The following SGMS2 variants were observed in gnomAD, a reference collection of about 807,000 sequenced individuals.
The protein encoded by SGMS2 is sphingomyelin synthase 2.
In SGMS2, 21 loss-of-function variants were observed where a neutral mutation model predicts 43.8. The ratio of observed to expected loss-of-function variants is 0.48; its 90% CI spans 0.34 to 0.69. SGMS2 has a LOEUF of 0.69. SGMS2 is among the 30% of genes least tolerant of loss of function. The pLI is 0.01. For synonymous variants in SGMS2, 167 were observed against 160.6 expected (o/e 1.04, Z -0.30); for missense variants, 384 against 443.2 (o/e 0.87, Z 1.20).
At chr4:107,830,335 G>T (rs1395047712) in intron 1 of SGMS2, among the ~76,000 whole-genome samples, 1 of 152,126 alleles carries the variant, frequency 6.6e-6, no homozygotes, top group Non-Finnish European at 1.5e-5. Context: ...GAGCTGCGAT[G>T]AACATACATG....
chr4:107,825,952 G>T (rs1017871773), intron 1 of SGMS2, among the ~76,000 whole-genome samples: 1 of 152,090 alleles, frequency 6.6e-6, no homozygotes, highest in Non-Finnish European at 1.5e-5. Flanking sequence ...TTTGACATGT[G>T]TGTTATATTT....
intron 2 of SGMS2, among the ~76,000 whole-genome samples, chr4:107,859,283 A>G (rs1727597735): frequency 6.6e-6 from 1 of 151,842 alleles, no homozygotes; most frequent in Non-Finnish European, 1.5e-5. Flanking sequence ...ACTTTTTATC[A>G]TTACTGTTTA....
intron 1 of SGMS2, among the ~76,000 whole-genome samples, chr4:107,839,147 C>T (rs1726361396): frequency 6.6e-6 from 1 of 152,176 alleles, no homozygotes; most frequent in Non-Finnish European, 1.5e-5. Context: ...CTTTCCCCCA[C>T]CTCTGAGTTC....
intron 2 of SGMS2, among the ~76,000 whole-genome samples, chr4:107,860,612 C>A (rs1448211003): frequency 2.0e-5 from 3 of 151,364 alleles, no homozygotes; most frequent in Non-Finnish European, 2.9e-5. Flanking sequence ...GCAATCTCCA[C>A]CTCCTGGGTT....
chr4:107,908,696 C>T lies in SGMS2; in HGVS notation c.859C>T (p.Leu287=). The stretch of plus-strand genomic sequence containing the variant: ...CATTGCTTATTATATCACAACACGA[C>T]TGTTTTGGTGGTACCATTCAATGGC... ...VIIAYYITTR[L]FWWYHSMANE... The change falls in exon 6 of 7, where the codon CTG becomes TTG. Residue 287 remains leucine (L), a synonymous_variant. Transcript: ENST00000690982. 1 of 1,613,916 alleles carries T rather than the reference C, an allele frequency of 6.2e-7. No individual in the cohort carries two copies. The highest frequency in any genetic ancestry group is 8.5e-7 in the Non-Finnish European group (1 of 1,179,908).
chr4:107,910,277 CAATTT>C (rs1379086048), intron 6 of SGMS2, 68 bp from the exon 7 acceptor site: 6 of 1,300,494 alleles, frequency 4.6e-6, no homozygotes, highest in Admixed American at 1.9e-5. Context: ...CAGTGAATGA[CAATTT>C]AAGAAAATAA....
intron 1 of SGMS2, among the ~76,000 whole-genome samples, chr4:107,857,376 C>T (rs1727481684): frequency 6.6e-6 from 1 of 151,786 alleles, no homozygotes; most frequent in Non-Finnish European, 1.5e-5. Context: ...GGGGTATATA[C>T]CTAAGAGTGA....
chr4:107,841,157 A>C (rs1164455304), intron 1 of SGMS2, among the ~76,000 whole-genome samples: 2 of 152,192 alleles, frequency 1.3e-5, no homozygotes, highest in Admixed American at 6.5e-5. Context: ...AGGAATATTA[A>C]AGTTGAGAAG....
chr4:107,874,205 A>G (rs1728749645), intron 2 of SGMS2: 1 of 152,134 alleles, frequency 6.6e-6, no homozygotes, highest in Admixed American at 6.6e-5. Context: ...ACACTCCACA[A>G]TCATTATTGT....
intron 1 of SGMS2, among the ~76,000 whole-genome samples, chr4:107,833,370 G>T (rs1725998536): frequency 6.6e-6 from 1 of 152,156 alleles, no homozygotes; most frequent in Admixed American, 6.5e-5. Flanking sequence ...GCTCCCCAAA[G>T]ATGTTCACAT....
In SGMS2 at chr4:107,913,082, G is replaced by A. The variant is rs1732227848; in HGVS notation, c.*2529G>A. Reference sequence around the variant, plus strand: ...ATAAAACAAGTATGATCTTGCCTTTGAAATCATAAATGTTTGGGGTACCTG... The same window carrying A: ...ATAAAACAAGTATGATCTTGCCTTTAAAATCATAAATGTTTGGGGTACCTG... On this transcript the variant is annotated 3_prime_UTR_variant, in exon 7 of 7. Transcript: ENST00000690982. The A allele has an allele frequency of 6.6e-6, 1 of 152,032 alleles. No individual in the cohort carries two copies. The highest frequency in any genetic ancestry group is 1.5e-5 in the Non-Finnish European group (1 of 68,012). 9.4% of individuals were successfully genotyped at this position (152,032 alleles called of 1,614,324 possible).
At chr4:107,896,076 G>T in intron 3 of SGMS2, 68 bp downstream of exon 3, 1 of 1,420,310 alleles carries the variant, frequency 7.0e-7, no homozygotes, top group South Asian at 1.4e-5. Flanking sequence ...GGGTTATTGA[G>T]ATTATTTTTC....
chr4:107,842,010 G>T (rs993022637), intron 1 of SGMS2, among the ~76,000 whole-genome samples: 1 of 152,044 alleles, frequency 6.6e-6, no homozygotes, highest in African/African-American at 2.4e-5. Context: ...TAAAGATGTT[G>T]GAAGTAGAGC....
chr4:107,844,912 G>A (rs1726728377), intron 1 of SGMS2, among the ~76,000 whole-genome samples: 1 of 152,282 alleles, frequency 6.6e-6, no homozygotes, highest in South Asian at 2.1e-4. Context: ...AGTTCCTAAT[G>A]GAGACTGGAC....
chr4:107,857,987 T>C (rs1290690560), intron 1 of SGMS2, among the ~76,000 whole-genome samples: 1 of 152,138 alleles, frequency 6.6e-6, no homozygotes, highest in Non-Finnish European at 1.5e-5. Flanking sequence ...CTGCCTGGCT[T>C]ACTCTTCTTT....
chr4:107,848,303 G>C (rs999434730), intron 1 of SGMS2, among the ~76,000 whole-genome samples: 1 of 152,108 alleles, frequency 6.6e-6, no homozygotes, highest in African/African-American at 2.4e-5. Context: ...ACCGTAGTTT[G>C]TTTACTCATT....
At chr4:107,900,585 C>T (rs1731040184) in intron 4 of SGMS2, among the ~76,000 whole-genome samples, 2 of 152,120 alleles carry the variant, frequency 1.3e-5, no homozygotes, top group Admixed American at 6.6e-5. Context: ...CTGAAACCAT[C>T]CTAAGAAGGA....
chr4:107,867,471 A>G (rs2126047151), intron 2 of SGMS2: 1 of 152,134 alleles, frequency 6.6e-6, no homozygotes, highest in Admixed American at 6.5e-5. Context: ...GTGCTATCCC[A>G]TTTCCTTTTC....
intron 2 of SGMS2, among the ~76,000 whole-genome samples, chr4:107,894,016 T>G (rs1212614556): frequency 6.6e-6 from 1 of 152,228 alleles, no homozygotes; most frequent in Non-Finnish European, 1.5e-5. Flanking sequence ...CTGGGGCATT[T>G]AGGTGCACAG....
Sources: allele counts gnomAD v4.1 joint callset (sites outside exome capture counted in the v4.1 genomes callset), GRCh38; gene constraint gnomAD v4.1.1; transcripts MANE v1.5; gene names NCBI Gene and HGNC (gene_info 2026-07-23, HGNC 2026-07-21).